CFAP263: variants seen among roughly 807,000 people sequenced by gnomAD.
The protein encoded by CFAP263 is cilia and flagella associated protein 263, also known as cilia- and flagella-associated protein 263.
At chr16:58,257,345 TATC>T in the CFAP263 span, among the ~76,000 whole-genome samples, 5 of 152,206 alleles carry the variant, frequency 3.3e-5, no homozygotes, top group African/African-American at 1.2e-4. Context: ...CCAAAAATAG[TATC>T]ATGTTATTTT....
At chr16:58,279,908 A>C in the CFAP263 span, 1 of 714,768 alleles carries the variant, frequency 1.4e-6, no homozygotes, top group Non-Finnish European at 2.3e-6. Flanking sequence ...GCTGCGTATC[A>C]TCTCCTGGGC....
At chr16:58,269,268 T>C in the CFAP263 span, among the ~76,000 whole-genome samples, 1 of 151,652 alleles carries the variant, frequency 6.6e-6, no homozygotes, top group African/African-American at 2.4e-5. Flanking sequence ...GAGGTGGAGG[T>C]TGCAGTGAGC....
At chr16:58,264,656 T>G in the CFAP263 span, among the ~76,000 whole-genome samples, 2 of 152,058 alleles carry the variant, frequency 1.3e-5, no homozygotes, top group Non-Finnish European at 2.9e-5. Context: ...TCAAGGACAG[T>G]GCCTGGCTAA....
At chr16:58,271,410 A>T in the CFAP263 span, among the ~76,000 whole-genome samples, 4 of 152,226 alleles carry the variant, frequency 2.6e-5, no homozygotes, top group Non-Finnish European at 5.9e-5. Flanking sequence ...ACTATTAATG[A>T]ACCAGTATTG....
chr16:58,252,801 A>G, the CFAP263 span: 13 of 1,613,520 alleles, frequency 8.1e-6, no homozygotes, highest in African/African-American at 2.7e-5. Flanking sequence ...CCCAGGGATC[A>G]GCGACCTCCA....
the CFAP263 span, among the ~76,000 whole-genome samples, chr16:58,264,662 G>C: frequency 6.6e-6 from 1 of 152,154 alleles, no homozygotes; most frequent in South Asian, 2.1e-4. Context: ...ACAGTGCCTG[G>C]CTAAAGCAAG....
chr16:58,266,405 A>ATT, the CFAP263 span, among the ~76,000 whole-genome samples: 22 of 31,442 alleles, frequency 7.0e-4, no homozygotes, highest in East Asian at 4.2e-3. Flanking sequence ...ATATATATAT[A>ATT]TTTTTTTTTT....
the CFAP263 span, chr16:58,279,903 G>A: frequency 3.3e-5 from 24 of 729,134 alleles, no homozygotes; most frequent in East Asian, 1.8e-4. Flanking sequence ...CCCAGGCTGC[G>A]TATCATCTCC....
At chr16:58,259,426 G>T in the CFAP263 span, among the ~76,000 whole-genome samples, 1 of 152,198 alleles carries the variant, frequency 6.6e-6, no homozygotes, top group Admixed American at 6.5e-5. Context: ...GAGAATTTGG[G>T]GGGTAACCTT....
chr16:58,250,270 C>A, the CFAP263 span: 1 of 549,426 alleles, frequency 1.8e-6, no homozygotes, highest in South Asian at 2.2e-5. Context: ...CACCACTGAG[C>A]CAACAAGCTG....
the CFAP263 span, among the ~76,000 whole-genome samples, chr16:58,272,202 G>A: frequency 6.6e-5 from 10 of 151,940 alleles, no homozygotes; most frequent in Non-Finnish European, 1.2e-4. Flanking sequence ...ATTTTTAGTA[G>A]AGACGGGGTT....
the CFAP263 span, chr16:58,282,018 T>A: frequency 6.6e-6 from 1 of 150,444 alleles, no homozygotes; most frequent in African/African-American, 2.5e-5. Context: ...AATTTTTTTT[T>A]TTTTTTTTGA....
chr16:58,261,535 T>C, the CFAP263 span, among the ~76,000 whole-genome samples: 1 of 152,156 alleles, frequency 6.6e-6, no homozygotes, highest in Admixed American at 6.5e-5. Context: ...AAGGTGTATA[T>C]GTGTAATTGT....
chr16:58,262,763 GTAGATAGA>G, the CFAP263 span, among the ~76,000 whole-genome samples: 5,206 of 78,480 alleles, frequency 0.066, 128 homozygotes, highest in East Asian at 0.14. Context: ...TAGATGATAG[GTAGATAGA>G]TAGATAGATA....
the CFAP263 span, chr16:58,254,275 G>T: frequency 9.1e-7 from 1 of 1,100,670 alleles, no homozygotes; most frequent in Non-Finnish European, 1.3e-6. Context: ...ACACAGGTAG[G>T]ATGAAGCGAA....
the CFAP263 span, chr16:58,258,449 A>G: frequency 6.2e-7 from 1 of 1,614,018 alleles, no homozygotes; most frequent in Non-Finnish European, 8.5e-7. Flanking sequence ...TCTAAAAGCC[A>G]TATCCAAGAA....
the CFAP263 span, chr16:58,262,234 G>C: frequency 1.4e-6 from 1 of 691,398 alleles, no homozygotes; most frequent in African/African-American, 1.8e-5. Flanking sequence ...CTAACACCAT[G>C]CCTGGGACCA....
At chr16:58,260,621 C>CT in the CFAP263 span, among the ~76,000 whole-genome samples, 1 of 152,162 alleles carries the variant, frequency 6.6e-6, no homozygotes, top group South Asian at 2.1e-4. Flanking sequence ...TCAGCTGACC[C>CT]TAATGGCTCC....
chr16:58,277,750 G>C, the CFAP263 span, among the ~76,000 whole-genome samples: 382 of 152,310 alleles, frequency 2.5e-3, 3 homozygotes, highest in South Asian at 0.014. Context: ...CCTTAGAAAG[G>C]AAGGACATTC....
Sources: allele counts gnomAD v4.1 joint callset (sites outside exome capture counted in the v4.1 genomes callset), GRCh38; gene constraint gnomAD v4.1.1; transcripts MANE v1.5; gene names NCBI Gene and HGNC (gene_info 2026-07-23, HGNC 2026-07-21).